B3GALT1: variants seen among roughly 807,000 people sequenced by gnomAD.
B3GALT1 encodes UDP-Gal:betaGlcNAc beta 1,3-galactosyltransferase, polypeptide 1.
A neutral mutation model predicts 23.2 loss-of-function variants in B3GALT1; 10 were observed. The observed-to-expected ratio is 0.43, with a 90% CI of 0.27 to 0.73. The LOEUF (loss-of-function observed/expected upper bound fraction) is 0.73, where lower values mean the gene tolerates loss of function less well. B3GALT1 is among the 30% of genes least tolerant of loss of function. B3GALT1 has a pLI of 0.21. For missense variants in B3GALT1, 299 were observed against 405.4 expected (o/e 0.74, Z 2.25); for synonymous variants, 156 against 141.5 (o/e 1.10, Z -0.73).
intron 1 of B3GALT1, among the ~76,000 whole-genome samples, chr2:167,313,458 A>G (rs950458070): frequency 1.3e-5 from 2 of 152,156 alleles, no homozygotes; most frequent in African/African-American, 4.8e-5. Flanking sequence ...CTGTATATAG[A>G]AAAACTAAGG....
In B3GALT1 at chr2:167,364,981, C is replaced by T. The variant is rs142871361; in HGVS notation, c.-511+71647C>T. On this transcript the variant is annotated intron_variant, in intron 1 of 4. Transcript: ENST00000392690. ...TATAAATGATTTATTGGTAGGTGGACGTTTTCTCTGTACTTTAAATGTTTG... is the reference window on the plus strand; with the variant it reads ...TATAAATGATTTATTGGTAGGTGGATGTTTTCTCTGTACTTTAAATGTTTG... 3.6e-3 allele frequency among the ~76,000 whole-genome samples: 553 copies of T among 152,220 alleles called. 1 individual carries two copies. The highest frequency in any genetic ancestry group is 6.0e-3 in the Admixed American group (92 of 15,284).
intron 3 of B3GALT1, among the ~76,000 whole-genome samples, chr2:167,739,180 TG>T (rs1558964389): frequency 6.6e-6 from 1 of 152,214 alleles, no homozygotes; most frequent in African/African-American, 2.4e-5. Flanking sequence ...CCCTGTTGAA[TG>T]GGGAGATTTT....
At position 167,592,665 on chromosome 2, in the gene B3GALT1, G is replaced by T. The variant is rs530266670; in HGVS notation, c.-409-54244G>T. On this transcript the variant is annotated intron_variant, in intron 2 of 4. Transcript: ENST00000392690. The stretch of plus-strand genomic sequence containing the variant: ...TGTGAATGTCTGTGTCACAGAAAAA[G>T]GCTCTTTGTTCTTCAGTCCTCCAGT... Among the ~76,000 whole-genome samples the T allele has an allele frequency of 7.9e-5, 12 of 152,200 alleles. No individual in the cohort carries two copies. In the South Asian group the frequency reaches 2.5e-3, roughly 32 times the overall value.
chr2:167,293,271 C>T lies in B3GALT1; in HGVS notation c.-574C>T, dbSNP rs1052185567. On this transcript the variant is annotated 5_prime_UTR_variant, in exon 1 of 5. Coordinates refer to ENST00000392690, the MANE Select transcript of B3GALT1 (RefSeq NM_020981.4). ...AGCGGAGCAGCAGCATCTTCGGGAC[C>T]CTGGCTGCAGCGTCCCTGTGGCCCG... 14 of 152,328 alleles carry T rather than the reference C, an allele frequency of 9.2e-5. No individual in the cohort carries two copies. The highest frequency in any genetic ancestry group is 3.4e-3 in the Middle Eastern group (1 of 296). 9.4% of individuals were successfully genotyped at this position (152,328 alleles called of 1,614,324 possible).
At chr2:167,476,659 A>G (rs553532801) in intron 1 of B3GALT1, among the ~76,000 whole-genome samples, 18 of 152,324 alleles carry the variant, frequency 1.2e-4, no homozygotes, top group African/African-American at 4.1e-4. Context: ...AAAACAAACT[A>G]TAGATACTTC....
At chr2:167,799,254 T>C (rs75892597) in intron 3 of B3GALT1, among the ~76,000 whole-genome samples, 4,096 of 152,236 alleles carry the variant, frequency 0.027, 172 homozygotes, top group African/African-American at 0.089. Flanking sequence ...AATTGTATAG[T>C]GGTGAAGTCT....
intron 4 of B3GALT1, among the ~76,000 whole-genome samples, chr2:167,836,556 G>A (rs945353748): frequency 5.3e-5 from 8 of 152,202 alleles, no homozygotes; most frequent in African/African-American, 1.9e-4. Flanking sequence ...TCTGATTGGT[G>A]TACCTGAAAG....
intron 4 of B3GALT1, among the ~76,000 whole-genome samples, chr2:167,853,686 C>T (rs146462031): frequency 2.4e-3 from 373 of 152,256 alleles, no homozygotes; most frequent in East Asian, 0.011. Context: ...GTCAGCATGT[C>T]TCCAGACTCA....
At chr2:167,414,059 A>G (rs1698431344) in intron 1 of B3GALT1, among the ~76,000 whole-genome samples, 1 of 152,160 alleles carries the variant, frequency 6.6e-6, no homozygotes, top group Non-Finnish European at 1.5e-5. Context: ...AAGACAGATT[A>G]AAAAGACAAA....
intron 2 of B3GALT1, among the ~76,000 whole-genome samples, chr2:167,587,487 G>T (rs968186626): frequency 6.6e-6 from 1 of 152,190 alleles, no homozygotes; most frequent in Non-Finnish European, 1.5e-5. Context: ...GGAACTCACA[G>T]CGAGTGTGCT....
chr2:167,843,823 A>G (rs1264125125), intron 4 of B3GALT1, among the ~76,000 whole-genome samples: 2 of 152,188 alleles, frequency 1.3e-5, no homozygotes, highest in Non-Finnish European at 2.9e-5. Context: ...TTGGGAAGTT[A>G]TGACTTTCAG....
Position 167,870,466 on chromosome 2 carries a change from T to G in B3GALT1, c.*446T>G, listed in dbSNP as rs769700446. The G allele has an allele frequency of 4.1e-4, 70 of 171,072 alleles. No homozygotes were observed. The highest frequency in any genetic ancestry group is 6.9e-4 in the Non-Finnish European group (49 of 70,576). The allele number at this position is 171,072 out of a possible 1,614,324, so 10.6% of individuals were successfully genotyped here. A position where few individuals can be genotyped will look rare whatever the true frequency, so the allele number is the denominator to read the frequency against. On this transcript the variant is annotated 3_prime_UTR_variant, in exon 5 of 5. Coordinates refer to ENST00000392690, the MANE Select transcript of B3GALT1 (RefSeq NM_020981.4). ...TGGATGTGATTATTAATATCGTGTG[T>G]GTTGTTACATTATATTTTTACATAT...
Position 167,316,322 on chromosome 2 carries a change from A to C in B3GALT1, c.-511+22988A>C, listed in dbSNP as rs77987325. ...AAAACCTTTACTATAGGATTTTTGCATAGCACAATGTTGCTTGGCCTGTAG... is the reference window on the plus strand; with the variant it reads ...AAAACCTTTACTATAGGATTTTTGCCTAGCACAATGTTGCTTGGCCTGTAG... On this transcript the variant is annotated intron_variant, in intron 1 of 4. Transcript: ENST00000392690. Among the ~76,000 whole-genome samples, 480 of 152,272 alleles carry C rather than the reference A, an allele frequency of 3.2e-3. 22 individuals are homozygous for C. In the East Asian group the frequency reaches 0.064, roughly 20 times the overall value.
At chr2:167,514,825 A>C (rs563706610) in intron 2 of B3GALT1, among the ~76,000 whole-genome samples, 27 of 152,322 alleles carry the variant, frequency 1.8e-4, no homozygotes, top group African/African-American at 6.5e-4. Context: ...GTTGTTATGA[A>C]GAAAAGGTGA....
At chr2:167,777,818 C>T (rs1246370729) in intron 3 of B3GALT1, among the ~76,000 whole-genome samples, 1 of 152,130 alleles carries the variant, frequency 6.6e-6, no homozygotes, top group Admixed American at 6.5e-5. Flanking sequence ...AGATATATTA[C>T]AGTGTGACAT....
At chr2:167,559,529 A>G (rs1282956531) in intron 2 of B3GALT1, among the ~76,000 whole-genome samples, 1 of 152,174 alleles carries the variant, frequency 6.6e-6, no homozygotes, top group African/African-American at 2.4e-5. Context: ...GGAAATTCAA[A>G]CCAAAGCAAA....
intron 3 of B3GALT1, among the ~76,000 whole-genome samples, chr2:167,656,792 T>C (rs2105468905): frequency 6.6e-6 from 1 of 152,282 alleles, no homozygotes. Context: ...ATACTCGATT[T>C]TGGCACTTTC....
At chr2:167,480,537 G>A (rs1452742812) in intron 1 of B3GALT1, among the ~76,000 whole-genome samples, 1 of 152,082 alleles carries the variant, frequency 6.6e-6, no homozygotes, top group African/African-American at 2.4e-5. Context: ...CTTGCTGATT[G>A]TCAACCCTTA....
At chr2:167,396,297 G>C (rs1250926040) in intron 1 of B3GALT1, among the ~76,000 whole-genome samples, 1 of 151,956 alleles carries the variant, frequency 6.6e-6, no homozygotes, top group Non-Finnish European at 1.5e-5. Context: ...TGCTATTTAG[G>C]CAGTATGTCA....
Sources: gnomAD v4.1 joint callset for allele counts (sites outside exome capture counted in the v4.1 genomes callset) on GRCh38, gnomAD v4.1.1 for gene constraint, MANE v1.5 for transcripts, NCBI Gene and HGNC (gene_info 2026-07-23, HGNC 2026-07-21) for gene names.